The following PDE4D variants were observed in gnomAD, a reference collection of about 807,000 sequenced individuals.
PDE4D encodes 3',5'-cyclic-AMP phosphodiesterase 4D.
A neutral mutation model predicts 87.4 loss-of-function variants in PDE4D; 24 were observed. That is an observed-to-expected ratio of 0.27 (90% confidence interval 0.20 to 0.39). The LOEUF (loss-of-function observed/expected upper bound fraction) is 0.39, where lower values mean the gene tolerates loss of function less well. PDE4D is among the 10% of genes least tolerant of loss of function. The pLI is 1.00. For synonymous variants in PDE4D, 384 were observed against 383.2 expected (o/e 1.00, Z -0.02); for missense variants, 714 against 1,041.0 (o/e 0.69, Z 4.32).
chr5:59,379,713 A>G (rs1187659711), intron 1 of PDE4D, among the ~76,000 whole-genome samples: 1 of 152,128 alleles, frequency 6.6e-6, no homozygotes, highest in Non-Finnish European at 1.5e-5. Flanking sequence ...TAGGTTCTCA[A>G]TATTATAGGT....
At chr5:59,589,251 C>T (rs1039474436) in intron 1 of PDE4D, among the ~76,000 whole-genome samples, 19 of 152,152 alleles carry the variant, frequency 1.2e-4, no homozygotes, top group African/African-American at 4.6e-4. Context: ...ATAATACCAC[C>T]TTGTTATACT....
intron 3 of PDE4D, among the ~76,000 whole-genome samples, chr5:59,190,769 C>A (rs1023505593): frequency 6.6e-6 from 1 of 152,130 alleles, no homozygotes; most frequent in Non-Finnish European, 1.5e-5. Context: ...CTCACTGGGA[C>A]TTCTCTCTTA....
chr5:59,962,562 TAAG>T (rs36120399), intron 3 of PDE4D, among the ~76,000 whole-genome samples: 59,854 of 151,770 alleles, frequency 0.39, 12,830 homozygotes, highest in East Asian at 0.86. Flanking sequence ...ATAACAATGT[TAAG>T]AATGTATATG....
intron 1 of PDE4D, among the ~76,000 whole-genome samples, chr5:59,308,640 C>G (rs1437303263): frequency 6.6e-6 from 1 of 151,660 alleles, no homozygotes; most frequent in Non-Finnish European, 1.5e-5. Flanking sequence ...GTTACCAGTG[C>G]CTGTTCTGGT....
intron 1 of PDE4D, among the ~76,000 whole-genome samples, chr5:59,641,913 T>C (rs141502399): frequency 1.3e-5 from 2 of 152,268 alleles, no homozygotes; most frequent in Non-Finnish European, 2.9e-5. Context: ...TAGCAACTTA[T>C]CTAGGAATTA....
chr5:59,400,891 A>C (rs1790484775), intron 1 of PDE4D, among the ~76,000 whole-genome samples: 1 of 152,186 alleles, frequency 6.6e-6, no homozygotes, highest in African/African-American at 2.4e-5. Context: ...AGTTTTAGGT[A>C]CCATTATGTA....
intron 2 of PDE4D, among the ~76,000 whole-genome samples, chr5:59,989,464 T>C (rs1582068030): frequency 6.6e-6 from 1 of 152,066 alleles, no homozygotes; most frequent in Admixed American, 6.5e-5. Flanking sequence ...AAAGTCCTAT[T>C]TTTTCTGCAT....
At chr5:59,615,553 C>G (rs943190992) in intron 1 of PDE4D, among the ~76,000 whole-genome samples, 7 of 152,174 alleles carry the variant, frequency 4.6e-5, no homozygotes, top group African/African-American at 1.4e-4. Context: ...AAGATGGACA[C>G]AGACACAGTC....
intron 3 of PDE4D, among the ~76,000 whole-genome samples, chr5:59,185,566 T>G (rs1581248567): frequency 6.6e-6 from 1 of 152,148 alleles, no homozygotes; most frequent in African/African-American, 2.4e-5. Flanking sequence ...ACAGATAACA[T>G]GATTGCATTT....
chr5:60,216,208 A>T (rs1317387822), intron 1 of PDE4D, among the ~76,000 whole-genome samples: 3 of 152,118 alleles, frequency 2.0e-5, no homozygotes, highest in Non-Finnish European at 4.4e-5. Context: ...ACTTCCAAGT[A>T]AGAGTCTGGA....
chr5:59,336,227 G>A (rs1777630169), intron 1 of PDE4D, among the ~76,000 whole-genome samples: 1 of 152,096 alleles, frequency 6.6e-6, no homozygotes, highest in Non-Finnish European at 1.5e-5. Flanking sequence ...CAGAAAGAAG[G>A]GCACAATCAG....
At chr5:59,304,389 C>T (rs1347821019) in intron 1 of PDE4D, among the ~76,000 whole-genome samples, 2 of 152,100 alleles carry the variant, frequency 1.3e-5, no homozygotes, top group Non-Finnish European at 2.9e-5. Flanking sequence ...CCCTTTATTT[C>T]TCCCTCTTGT....
intron 1 of PDE4D, among the ~76,000 whole-genome samples, chr5:60,469,262 A>G (rs1747633307): frequency 6.6e-6 from 1 of 151,920 alleles, no homozygotes; most frequent in Admixed American, 6.6e-5. Flanking sequence ...TTAAGCCCTT[A>G]CTTTTCTTCC....
intron 2 of PDE4D, among the ~76,000 whole-genome samples, chr5:59,205,999 C>A (rs973247365): frequency 1.3e-5 from 2 of 152,152 alleles, no homozygotes; most frequent in South Asian, 4.2e-4. Context: ...AAGTTCCCTG[C>A]GTCTTAAAGA....
chr5:60,178,270 G>T (rs184472969), intron 2 of PDE4D, among the ~76,000 whole-genome samples: 1 of 152,122 alleles, frequency 6.6e-6, no homozygotes, highest in East Asian at 1.9e-4. Flanking sequence ...TCCTGCATTA[G>T]GACATTTTCA....
At chr5:59,030,722 C>T (rs964084726) in intron 6 of PDE4D, among the ~76,000 whole-genome samples, 3 of 152,124 alleles carry the variant, frequency 2.0e-5, no homozygotes. Flanking sequence ...AAGAGCAAGA[C>T]CCTGTCTCAA....
chr5:60,318,053 T>C (rs910185127), intron 1 of PDE4D, among the ~76,000 whole-genome samples: 56 of 152,338 alleles, frequency 3.7e-4, no homozygotes, highest in East Asian at 9.6e-4. Flanking sequence ...GTTAACTTTC[T>C]GTCTCGTTGA....
At chr5:60,468,927 C>G (rs952025360) in intron 1 of PDE4D, among the ~76,000 whole-genome samples, 2 of 152,158 alleles carry the variant, frequency 1.3e-5, no homozygotes, top group East Asian at 3.9e-4. Context: ...TCCATCGTCC[C>G]CACCATTTCC....
chr5:60,105,491 A>G (rs576242893), intron 2 of PDE4D, among the ~76,000 whole-genome samples: 18 of 152,310 alleles, frequency 1.2e-4, no homozygotes, highest in African/African-American at 4.3e-4. Context: ...GCCAACATTC[A>G]GATACAGGAA....
Sources: allele counts gnomAD v4.1 joint callset (sites outside exome capture counted in the v4.1 genomes callset), GRCh38; gene constraint gnomAD v4.1.1; transcripts MANE v1.5; gene names NCBI Gene and HGNC (gene_info 2026-07-23, HGNC 2026-07-21).